Variants in NCOA3 observed in about 807,000 individuals in gnomAD.
NCOA3 encodes the protein CBP-interacting protein.
In NCOA3, 51 loss-of-function variants were observed where a neutral mutation model predicts 158.8. The ratio of observed to expected loss-of-function variants is 0.32; its 90% CI spans 0.26 to 0.41. The LOEUF is 0.41. NCOA3 is among the 10% of genes least tolerant of loss of function. The pLI is 1.00. For synonymous variants in NCOA3, 537 were observed against 592.4 expected (o/e 0.91, Z 1.36); for missense variants, 1,510 against 1,746.6 (o/e 0.86, Z 2.41).
At chr20:47,649,183 T>A in intron 19 of NCOA3, 74 bp downstream of exon 19, 1 of 836,754 alleles carries the variant, frequency 1.2e-6, no homozygotes, top group Non-Finnish European at 1.8e-6. Flanking sequence ...TGGCTCTCAG[T>A]AAATGTTTGT....
In NCOA3 at chr20:47,548,814, C is replaced by T. The variant is rs113474655; in HGVS notation, c.-98-34369C>T. 7.3e-3 allele frequency among the ~76,000 whole-genome samples: 1,107 copies of T among 152,036 alleles called. 22 individuals carry two copies. The highest frequency in any genetic ancestry group is 0.025 in the African/African-American group (1,048 of 41,472). On this transcript the variant is annotated intron_variant, in intron 1 of 22. Coordinates refer to ENST00000371998, the MANE Select transcript of NCOA3 (RefSeq NM_181659.3). ...CCCCAAGAAGGGCCACTCTGTTCTGCGTACTGCTGTTAGGCACAAGATGTG... is the reference window on the plus strand; with the variant it reads ...CCCCAAGAAGGGCCACTCTGTTCTGTGTACTGCTGTTAGGCACAAGATGTG...
At chr20:47,512,586 A>AC (rs1297985257) in intron 1 of NCOA3, among the ~76,000 whole-genome samples, 1 of 151,108 alleles carries the variant, frequency 6.6e-6, no homozygotes, top group Non-Finnish European at 1.5e-5. Flanking sequence ...AAAAAAAAAA[A>AC]AAACACAAAA....
intron 2 of NCOA3, among the ~76,000 whole-genome samples, chr20:47,599,355 G>A (rs2085819270): frequency 6.6e-6 from 1 of 152,158 alleles, no homozygotes; most frequent in Non-Finnish European, 1.5e-5. Context: ...GGGGTGAATA[G>A]GTGGAAGGTT....
At chr20:47,618,143 G>A (rs757972237) in intron 2 of NCOA3, among the ~76,000 whole-genome samples, 99 of 152,042 alleles carry the variant, frequency 6.5e-4, no homozygotes, top group Non-Finnish European at 2.4e-4. Flanking sequence ...AGGCTGAGAC[G>A]AGAATCATTT....
In NCOA3 at chr20:47,653,099, CAA is replaced by C. The variant is rs745947083; in HGVS notation, c.4263+31_4263+32del. The stretch of plus-strand genomic sequence containing the variant: ...TATGGGATCGATTCCTTACCTTTTT[CAA>C]AAAGTTTTTCTTGTTCTCTGGATAG... On this transcript the variant is annotated intron_variant, in intron 22 of 22. Transcript: ENST00000371998. The C allele has an allele frequency of 3.7e-6, 6 of 1,611,644 alleles. No homozygotes were observed. The African/African-American group carries it at 4.0e-5, about 11-fold the overall frequency.
intron 2 of NCOA3, among the ~76,000 whole-genome samples, chr20:47,604,875 TA>T (rs1329631427): frequency 1.3e-5 from 2 of 152,236 alleles, no homozygotes; most frequent in South Asian, 2.1e-4. Context: ...TATTTTTATT[TA>T]TTTTTTTTGA....
intron 2 of NCOA3, among the ~76,000 whole-genome samples, chr20:47,585,832 C>A (rs1010579285): frequency 6.6e-6 from 1 of 152,126 alleles, no homozygotes; most frequent in Non-Finnish European, 1.5e-5. Flanking sequence ...ATCCAAGTTA[C>A]CAGCCTTAGG....
At chr20:47,607,676 G>C (rs747065286) in intron 2 of NCOA3, among the ~76,000 whole-genome samples, 1 of 151,816 alleles carries the variant, frequency 6.6e-6, no homozygotes, top group African/African-American at 2.4e-5. Context: ...ACTCAGATAG[G>C]GTAGAGGAAA....
chr20:47,528,986 C>T (rs1290356218), intron 1 of NCOA3, among the ~76,000 whole-genome samples: 3 of 152,014 alleles, frequency 2.0e-5, no homozygotes, highest in South Asian at 2.1e-4. Flanking sequence ...AGGCTGGTCT[C>T]GAACTCCCGA....
At chr20:47,518,477 G>A (rs915767110) in intron 1 of NCOA3, among the ~76,000 whole-genome samples, 4 of 145,718 alleles carry the variant, frequency 2.7e-5, no homozygotes, top group Non-Finnish European at 6.0e-5. Flanking sequence ...AGGCTGCAGT[G>A]CAATGGCATG....
At chr20:47,511,545 A>ATG (rs2084133819) in intron 1 of NCOA3, among the ~76,000 whole-genome samples, 1 of 28,330 alleles carries the variant, frequency 3.5e-5, no homozygotes, top group Non-Finnish European at 1.1e-4. Flanking sequence ...ATATATATAT[A>ATG]TATATATATA....
At chr20:47,630,897 G>T (rs1023680498) in intron 8 of NCOA3, 1 of 152,964 alleles carries the variant, frequency 6.5e-6, no homozygotes, top group South Asian at 2.1e-4. Context: ...TTGGTGCTGA[G>T]CATAAGAGAT....
chr20:47,616,624 A>G (rs1050711429), intron 2 of NCOA3, among the ~76,000 whole-genome samples: 4 of 152,184 alleles, frequency 2.6e-5, no homozygotes, highest in African/African-American at 7.2e-5. Flanking sequence ...GATCTGGATG[A>G]TAGAGTTTAT....
Position 47,653,478 on chromosome 20 carries a change from T to A in NCOA3, c.*61T>A. ...TACAAATGACACTGCACTAGGATTA[T>A]TGGGAAGGAATCATTGTTCCAGGCA... On this transcript the variant is annotated 3_prime_UTR_variant, in exon 23 of 23. Coordinates refer to ENST00000371998, the MANE Select transcript of NCOA3 (RefSeq NM_181659.3). The A allele has an allele frequency of 2.6e-6, 4 of 1,567,424 alleles. No individual in the cohort carries two copies. The South Asian group carries it at 4.6e-5, about 18-fold the overall frequency.
At chr20:47,603,892 G>A (rs1331181975) in intron 2 of NCOA3, among the ~76,000 whole-genome samples, 1 of 152,180 alleles carries the variant, frequency 6.6e-6, no homozygotes, top group Non-Finnish European at 1.5e-5. Flanking sequence ...GGGTCAAAAG[G>A]CAACTTTTAG....
rs2086282042 is a variant in NCOA3, at chr20:47,623,922, G to C, written c.95G>C (p.Ser32Thr). The change falls in exon 4 of 23, where the codon AGT becomes ACT. Residue 32 changes from serine to threonine, a missense_variant. This residue lies in a region of NCOA3 where 309 missense variants were observed against 427.1 expected (regional missense o/e 0.72). Transcript: ENST00000371998. ...GCCTTTTCCCTTAGTCTTACCTGCA[G>C]TGGTGAAAAACGGAGACGGGAGCAG... ...CDTPGQGLTC[S>T]GEKRRREQES... The C allele has an allele frequency of 6.2e-7, 1 of 1,612,928 alleles. No individual in the cohort carries two copies. Among genetic ancestry groups the C allele is most frequent in the Admixed American group, 1.7e-5 (1 of 59,762 alleles).
At chr20:47,535,335 G>A (rs947835855) in intron 1 of NCOA3, among the ~76,000 whole-genome samples, 2 of 152,154 alleles carry the variant, frequency 1.3e-5, no homozygotes, top group Admixed American at 1.3e-4. Flanking sequence ...CCCAGTGGCC[G>A]TGTGTTACAG....
At chr20:47,606,014 A>AT (rs2085941587) in intron 2 of NCOA3, among the ~76,000 whole-genome samples, 2 of 152,174 alleles carry the variant, frequency 1.3e-5, no homozygotes, top group South Asian at 2.1e-4. Flanking sequence ...CCCCTGACTA[A>AT]TTTTTTTGTA....
intron 1 of NCOA3, among the ~76,000 whole-genome samples, chr20:47,533,249 C>A (rs2084576272): frequency 7.8e-6 from 1 of 127,752 alleles, no homozygotes; most frequent in Admixed American, 9.1e-5. Flanking sequence ...CACACCACTG[C>A]ATTCCAGTCT....
Sources: gnomAD v4.1 joint callset for allele counts (sites outside exome capture counted in the v4.1 genomes callset) on GRCh38, gnomAD v4.1.1 for gene constraint, gnomAD v4.1.1 regional missense constraint, MANE v1.5 for transcripts, NCBI Gene and HGNC (gene_info 2026-07-23, HGNC 2026-07-21) for gene names.